Variants in EIF3F observed in about 807,000 individuals in gnomAD.
The protein encoded by EIF3F is deubiquitinating enzyme eIF3f.
In EIF3F, 8 loss-of-function variants were observed where a neutral mutation model predicts 36.0. The ratio of observed to expected loss-of-function variants is 0.22; its 90% CI spans 0.13 to 0.40. The LOEUF is 0.40. Ranked by LOEUF, EIF3F falls within the 10% of genes least tolerant of loss-of-function variation. The pLI, the probability that EIF3F is intolerant of heterozygous loss-of-function variation, is 1.00. For synonymous variants in EIF3F, 184 were observed against 188.5 expected, an observed-to-expected ratio of 0.98 and a Z score of 0.19; for missense variants, 430 against 467.6, an observed-to-expected ratio of 0.92 and a Z score of 0.74.
intron 1 of EIF3F, among the ~76,000 whole-genome samples, chr11:7,989,408 G>A (rs1942065231): frequency 6.6e-6 from 1 of 152,138 alleles, no homozygotes; most frequent in South Asian, 2.1e-4. Flanking sequence ...TTCCAGACTG[G>A]AATCATGGTA....
intron 3 of EIF3F, 73 bp from the exon 4 acceptor site, chr11:7,992,814 A>G: frequency 1.2e-6 from 2 of 1,604,444 alleles, no homozygotes. Flanking sequence ...CCCTGAAGAC[A>G]CCCATGCCAC....
In EIF3F at chr11:7,987,604, G is replaced by A; in HGVS notation, c.252G>A (p.Gly84=). 6.3e-7 allele frequency: 1 copy of A among 1,588,100 alleles called. No homozygotes were observed. The highest frequency in any genetic ancestry group is 2.3e-5 in the East Asian group (1 of 43,968). The change falls in exon 1 of 8, where the codon GGG becomes GGA. Residue 84 remains glycine, a synonymous_variant. Coordinates refer to ENST00000651655, the MANE Select transcript of EIF3F (RefSeq NM_003754.3). ...CTCTGCCTGGTCCTGCTCTTCCAGGGCCCTTCCCCGGCGGCCGCGTGGTCA... is the reference window on the plus strand; with the variant it reads ...CTCTGCCTGGTCCTGCTCTTCCAGGACCCTTCCCCGGCGGCCGCGTGGTCA... The part of the protein sequence containing the change: ...APALPGPALP[G]PFPGGRVVRL...
intron 4 of EIF3F, 145 bp from the exon 5 acceptor site, chr11:7,994,281 T>G: frequency 4.5e-6 from 3 of 673,774 alleles, no homozygotes; most frequent in Non-Finnish European, 7.6e-6. Context: ...TTTGCTCCCA[T>G]GAGACCTCTG....
chr11:7,995,519 G>C, intron 7 of EIF3F, 152 bp downstream of exon 7: 1 of 702,858 alleles, frequency 1.4e-6, no homozygotes, highest in South Asian at 1.6e-5. Context: ...TTGGGAGGAA[G>C]GAAGAGGTGT....
chr11:8,000,049 C>G lies in EIF3F; in HGVS notation c.*4027C>G, dbSNP rs763898725. 6.6e-6 allele frequency: 1 copy of G among 151,910 alleles called. No homozygotes were observed. 9.4% of individuals were successfully genotyped at this position (151,910 alleles called of 1,614,324 possible). A position where few individuals can be genotyped will look rare whatever the true frequency, so the allele number is the denominator to read the frequency against. Reference sequence around the variant, plus strand: ...TGAAACCCCGTCTCTACAAAAGATACAAAAATTAGCCAGGCATCTTGGAGG... The same window carrying G: ...TGAAACCCCGTCTCTACAAAAGATAGAAAAATTAGCCAGGCATCTTGGAGG... On this transcript the variant is annotated 3_prime_UTR_variant, in exon 8 of 8. Transcript: ENST00000651655.
In EIF3F at chr11:7,998,618, C is replaced by T. The variant is rs1235789463; in HGVS notation, c.*2596C>T. 1 of 152,136 alleles carries T rather than the reference C, an allele frequency of 6.6e-6. No individual in the cohort carries two copies. Among genetic ancestry groups the T allele is most frequent in the Non-Finnish European group, 1.5e-5 (1 of 68,034 alleles). 9.4% of individuals were successfully genotyped at this position (152,136 alleles called of 1,614,324 possible). On this transcript the variant is annotated 3_prime_UTR_variant, in exon 8 of 8. Transcript: ENST00000651655. ...TGCAAAAGCCCAGCAAGTACTGATA[C>T]TGGAGTTAGAAATAAATTTTAGCAA...
chr11:7,994,455 T>C lies in EIF3F; in HGVS notation c.683T>C (p.Met228Thr). ...TTAATGGGAGTCCCTGGGAGGACCA[T>C]GGGAGTGATGTTCACGCCTCTGACA... ...STLMGVPGRT[M>T]GVMFTPLTVK... The change falls in exon 5 of 8, where the codon ATG (methionine) becomes ACG (threonine). Residue 228 changes from methionine (M) to threonine (T), a missense_variant. Met to Thr is a moderately conservative substitution (Grantham distance 81). Transcript: ENST00000651655. 1.9e-6 allele frequency: 3 copies of C among 1,614,054 alleles called. No individual in the cohort carries two copies. The highest frequency in any genetic ancestry group is 1.3e-5 in the African/African-American group (1 of 75,024).
Position 7,987,695 on chromosome 11 carries a change from C to G in EIF3F, c.343C>G (p.Arg115Gly). 1 of 1,512,844 alleles carries G rather than the reference C, an allele frequency of 6.6e-7. No homozygotes were observed. The highest frequency in any genetic ancestry group is 8.8e-7 in the Non-Finnish European group (1 of 1,132,072). The allele number at this position is 1,512,844 out of a possible 1,614,324, so 93.7% of individuals were successfully genotyped here. ...SYERRNEGAA[R>G]VIGTLLGTVD... is the part of the protein sequence containing the mutation. Reference sequence around the variant, plus strand: ...CGAGAGACGCAACGAGGGTGCTGCCCGAGTTATCGGGACCCTGTTGGGTGA... The same window carrying G: ...CGAGAGACGCAACGAGGGTGCTGCCGGAGTTATCGGGACCCTGTTGGGTGA... The change falls in exon 1 of 8, where the codon CGA becomes GGA. Residue 115 changes from arginine to glycine, a missense_variant. This residue lies in a region of EIF3F where 262 missense variants were observed against 347.4 expected (regional missense o/e 0.75). Transcript: ENST00000651655.
chr11:7,989,289 A>C (rs1942063475), intron 1 of EIF3F, among the ~76,000 whole-genome samples: 1 of 152,226 alleles, frequency 6.6e-6, no homozygotes, highest in Non-Finnish European at 1.5e-5. Flanking sequence ...AGCTCGCTAA[A>C]GCTATTTAAA....
chr11:7,994,378 A>G (rs755901524), intron 4 of EIF3F, 48 bp from the exon 5 acceptor site: 54 of 1,546,988 alleles, frequency 3.5e-5, no homozygotes, highest in South Asian at 3.4e-4. Flanking sequence ...ATAGACATGG[A>G]AACCCTCTCC....
rs770576959 is a variant in EIF3F, at chr11:7,995,251, C to T, written c.883-3C>T. On this transcript the variant is annotated splice_polypyrimidine_tract_variant and splice_region_variant and intron_variant, in intron 6 of 7. Transcript: ENST00000651655. ...CTCATCGAGTCTTTGTTTTGGTACT[C>T]AGTCTGGAAAGGTGTCAGCTGACAA... 5.5e-5 allele frequency: 89 copies of T among 1,613,106 alleles called. No homozygotes were observed. Among genetic ancestry groups the T allele is most frequent in the Non-Finnish European group, 6.4e-5 (76 of 1,179,410 alleles).
At position 7,987,731 on chromosome 11, in the gene EIF3F, A is replaced by G. The variant is rs1338738900; in HGVS notation, c.364+15A>G. 2 of 1,496,104 alleles carry G rather than the reference A, an allele frequency of 1.3e-6. No homozygotes were observed. Among genetic ancestry groups the G allele is most frequent in the South Asian group, 1.4e-5 (1 of 73,360 alleles). The allele number at this position is 1,496,104 out of a possible 1,614,324, so 92.7% of individuals were successfully genotyped here. A position where few individuals can be genotyped will look rare whatever the true frequency, so the allele number is the denominator to read the frequency against. Reference sequence around the variant, plus strand: ...GACCCTGTTGGGTGAGTGGTCAGAGAAAGTTAACATTCTTTTCTTCCTCCC... The same window carrying G: ...GACCCTGTTGGGTGAGTGGTCAGAGGAAGTTAACATTCTTTTCTTCCTCCC... On this transcript the variant is annotated intron_variant, in intron 1 of 7. Coordinates refer to ENST00000651655, the MANE Select transcript of EIF3F (RefSeq NM_003754.3).
At chr11:7,995,220 A>C in intron 6 of EIF3F, 34 bp from the exon 7 acceptor site, 1 of 1,608,294 alleles carries the variant, frequency 6.2e-7, no homozygotes, top group Non-Finnish European at 8.5e-7. Context: ...GGTTATAATT[A>C]ACTGCCTCAT....
intron 1 of EIF3F, among the ~76,000 whole-genome samples, chr11:7,989,762 G>C (rs546525664): frequency 6.6e-6 from 1 of 152,298 alleles, no homozygotes; most frequent in South Asian, 2.1e-4. Context: ...AAAAGATGAC[G>C]TTTGAGCTGG....
In EIF3F at chr11:7,995,711, A is replaced by G. The variant is rs564757713; in HGVS notation, c.997-234A>G. ...TTCACAGACCCCCTATATTCCATCCATGGGTTTCAGCTAAGGCACCCCTAG... is the reference window on the plus strand; with the variant it reads ...TTCACAGACCCCCTATATTCCATCCGTGGGTTTCAGCTAAGGCACCCCTAG... On this transcript the variant is annotated intron_variant, in intron 7 of 7. Coordinates refer to ENST00000651655, the MANE Select transcript of EIF3F (RefSeq NM_003754.3). 58 of 600,480 alleles carry G rather than the reference A, an allele frequency of 9.7e-5. No homozygotes were observed. The South Asian group carries it at 1.1e-3, about 11-fold the overall frequency. 37.2% of individuals were successfully genotyped at this position (600,480 alleles called of 1,614,324 possible).
intron 1 of EIF3F, chr11:7,988,052 A>T (rs957869033): frequency 5.1e-6 from 1 of 195,394 alleles, no homozygotes; most frequent in African/African-American, 2.3e-5. Context: ...GGCAAGTATG[A>T]TGGGCTGCAT....
rs1204258302 is a variant in EIF3F, at chr11:7,997,476, GTGGA to G, written c.*1456_*1459del. 1 of 152,130 alleles carries G rather than the reference GTGGA, an allele frequency of 6.6e-6. No individual in the cohort carries two copies. The highest frequency in any genetic ancestry group is 1.5e-5 in the Non-Finnish European group (1 of 68,000). 9.4% of individuals were successfully genotyped at this position (152,130 alleles called of 1,614,324 possible). On this transcript the variant is annotated 3_prime_UTR_variant, in exon 8 of 8. Coordinates refer to ENST00000651655, the MANE Select transcript of EIF3F (RefSeq NM_003754.3). Reference sequence around the variant, plus strand: ...AATTTGAGAAATAAGCATAGAAAAGGTGGATAAAACAAAAGATGGCAAAACAAGT... The same window carrying G: ...AATTTGAGAAATAAGCATAGAAAAGGTAAAACAAAAGATGGCAAAACAAGT...
Position 7,991,406 on chromosome 11 carries a change from A to G in EIF3F, c.365-375A>G, listed in dbSNP as rs144048226. 2.2e-3 allele frequency among the ~76,000 whole-genome samples: 342 copies of G among 152,254 alleles called. 3 individuals carry two copies. The highest frequency in any genetic ancestry group is 4.8e-3 in the East Asian group (25 of 5,178). On this transcript the variant is annotated intron_variant, in intron 1 of 7. Coordinates refer to ENST00000651655, the MANE Select transcript of EIF3F (RefSeq NM_003754.3). ...AACTTGGCCACTATATTAGCAGTCT[A>G]TGTAACCATTAAAATATTCCAGGTA...
At chr11:7,992,307 A>T in intron 3 of EIF3F, 144 bp downstream of exon 3, 1 of 727,048 alleles carries the variant, frequency 1.4e-6, no homozygotes, top group East Asian at 2.7e-5. Flanking sequence ...CAGTGGCTCA[A>T]TGCCTGTAAT....
Sources: gnomAD v4.1 joint callset for allele counts (sites outside exome capture counted in the v4.1 genomes callset) on GRCh38, gnomAD v4.1.1 for gene constraint, gnomAD v4.1.1 regional missense constraint, MANE v1.5 for transcripts, NCBI Gene and HGNC (gene_info 2026-07-23, HGNC 2026-07-21) for gene names.